Variants in CRIM1 observed in about 807,000 individuals in gnomAD.
CRIM1 encodes cysteine rich transmembrane BMP regulator 1.
CRIM1 carries 32 observed loss-of-function variants against 116.4 expected under a neutral mutation model. The observed-to-expected ratio is 0.27, with a 90% confidence interval of 0.21 to 0.37. The LOEUF (loss-of-function observed/expected upper bound fraction) is 0.37. CRIM1 is among the 10% of genes least tolerant of loss of function. CRIM1 has a pLI of 1.00. For synonymous variants in CRIM1, 590 were observed against 509.2 expected (o/e 1.16, Z -2.13); for missense variants, 1,331 against 1,354.8 (o/e 0.98, Z 0.28).
intron 2 of CRIM1, among the ~76,000 whole-genome samples, chr2:36,399,324 G>A (rs1366916335): frequency 6.6e-6 from 1 of 152,220 alleles, no homozygotes; most frequent in African/African-American, 2.4e-5. Flanking sequence ...GATTAGCAGA[G>A]GGAGATAATG....
chr2:36,535,322 C>T (rs1225974711), intron 13 of CRIM1, among the ~76,000 whole-genome samples: 2 of 152,192 alleles, frequency 1.3e-5, no homozygotes, highest in Non-Finnish European at 2.9e-5. Flanking sequence ...CAATTTGACA[C>T]GTGCATTTTG....
At chr2:36,379,946 A>G (rs1670613713) in intron 1 of CRIM1, among the ~76,000 whole-genome samples, 2 of 151,156 alleles carry the variant, frequency 1.3e-5, no homozygotes, top group Non-Finnish European at 2.9e-5. Flanking sequence ...GAATGTAGAC[A>G]TTTAGTTGAA....
chr2:36,496,820 C>G (rs976261743), intron 7 of CRIM1, among the ~76,000 whole-genome samples: 5 of 152,158 alleles, frequency 3.3e-5, no homozygotes, highest in African/African-American at 1.2e-4. Context: ...GGTTCTGATC[C>G]TCAAATAACC....
At chr2:36,450,852 C>T (rs1558599594) in intron 4 of CRIM1, among the ~76,000 whole-genome samples, 1 of 152,188 alleles carries the variant, frequency 6.6e-6, no homozygotes, top group Non-Finnish European at 1.5e-5. Context: ...TGCTGTCTTG[C>T]ATTATGATAA....
At chr2:36,466,733 C>T (rs1176593656) in intron 5 of CRIM1, among the ~76,000 whole-genome samples, 1 of 152,186 alleles carries the variant, frequency 6.6e-6, no homozygotes, top group African/African-American at 2.4e-5. Flanking sequence ...TAATTCGTAT[C>T]ATCTTAGTTC....
chr2:36,499,482 AT>A, intron 8 of CRIM1, 135 bp downstream of exon 8: 2 of 842,272 alleles, frequency 2.4e-6, no homozygotes, highest in Non-Finnish European at 3.7e-6. Flanking sequence ...GAAAAAAGTT[AT>A]TTTTAACACA....
chr2:36,382,810 A>G (rs1179084409), intron 1 of CRIM1, among the ~76,000 whole-genome samples: 1 of 152,266 alleles, frequency 6.6e-6, no homozygotes, highest in Admixed American at 6.5e-5. Context: ...GAGAACAAGC[A>G]CATACACATA....
At chr2:36,478,815 A>G (rs902492897) in intron 6 of CRIM1, among the ~76,000 whole-genome samples, 4 of 150,308 alleles carry the variant, frequency 2.7e-5, no homozygotes, top group Non-Finnish European at 4.4e-5. Flanking sequence ...CAGTATTTAT[A>G]TACTTGTCAG....
At position 36,480,726 on chromosome 2, in the gene CRIM1, G is replaced by A. The variant is rs551751013; in HGVS notation, c.1372+1032G>A. Among the ~76,000 whole-genome samples, 5 of 152,156 alleles carry A rather than the reference G, an allele frequency of 3.3e-5. No individual in the cohort carries two copies. The South Asian group carries it at 1.0e-3, about 32-fold the overall frequency. On this transcript the variant is annotated intron_variant, in intron 7 of 16. Transcript: ENST00000280527. Reference sequence around the variant, plus strand: ...AATCATATAAAAGTTTAAGCTTGAGGCCTCTCTTTCTGTTGACATCACCGA... The same window carrying A: ...AATCATATAAAAGTTTAAGCTTGAGACCTCTCTTTCTGTTGACATCACCGA...
At chr2:36,450,321 C>A (rs537484103) in intron 4 of CRIM1, among the ~76,000 whole-genome samples, 1 of 152,132 alleles carries the variant, frequency 6.6e-6, no homozygotes, top group African/African-American at 2.4e-5. Flanking sequence ...TTGTTTCTCC[C>A]CTTCTGTTGC....
At chr2:36,386,754 G>A (rs1671196469) in intron 1 of CRIM1, among the ~76,000 whole-genome samples, 1 of 152,230 alleles carries the variant, frequency 6.6e-6, no homozygotes, top group Admixed American at 6.5e-5. Context: ...TGTAAGTGAA[G>A]TAATTTTAAT....
chr2:36,505,850 TAAGGA>T (rs1681354106), intron 8 of CRIM1, among the ~76,000 whole-genome samples: 10 of 152,200 alleles, frequency 6.6e-5, no homozygotes, highest in Admixed American at 6.5e-4. Context: ...GCAAACATTG[TAAGGA>T]GCACCTCCTT....
At chr2:36,379,552 C>G (rs1052574843) in intron 1 of CRIM1, among the ~76,000 whole-genome samples, 2 of 152,130 alleles carry the variant, frequency 1.3e-5, no homozygotes, top group African/African-American at 4.8e-5. Context: ...AATGTGCAGT[C>G]TTCCGAACAG....
chr2:36,537,265 C>A (rs1666613089), intron 13 of CRIM1, 87 bp from the exon 14 acceptor site: 5 of 1,255,340 alleles, frequency 4.0e-6, no homozygotes, highest in Non-Finnish European at 4.6e-6. Flanking sequence ...TGTGATTATA[C>A]AAAGCTATCC....
chr2:36,442,759 A>G (rs1421976395), intron 4 of CRIM1, 24 bp downstream of exon 4: 1 of 1,613,910 alleles, frequency 6.2e-7, no homozygotes, highest in Non-Finnish European at 8.5e-7. Flanking sequence ...TAGTTTGTCA[A>G]GTTTTCTCCT....
At chr2:36,362,564 G>C (rs1669297448) in intron 1 of CRIM1, among the ~76,000 whole-genome samples, 1 of 152,142 alleles carries the variant, frequency 6.6e-6, no homozygotes, top group Non-Finnish European at 1.5e-5. Context: ...AGTAAACTGG[G>C]AGGTGTCCCT....
At chr2:36,523,635 A>G (rs942458641) in intron 13 of CRIM1, among the ~76,000 whole-genome samples, 1 of 152,234 alleles carries the variant, frequency 6.6e-6, no homozygotes, top group Non-Finnish European at 1.5e-5. Context: ...ACCTATAATC[A>G]GAGTAGCAGA....
At chr2:36,539,467 G>A (rs1293842348) in intron 14 of CRIM1, among the ~76,000 whole-genome samples, 1 of 152,178 alleles carries the variant, frequency 6.6e-6, no homozygotes, top group Non-Finnish European at 1.5e-5. Context: ...ATTGTATTGA[G>A]TGAGATGAAA....
At chr2:36,461,794 T>C (rs1392309936) in intron 4 of CRIM1, among the ~76,000 whole-genome samples, 1 of 152,232 alleles carries the variant, frequency 6.6e-6, no homozygotes, top group African/African-American at 2.4e-5. Flanking sequence ...AGTTGTATTA[T>C]GTTGAAAATA....
Sources: gnomAD v4.1 joint callset for allele counts (sites outside exome capture counted in the v4.1 genomes callset) on GRCh38, gnomAD v4.1.1 for gene constraint, MANE v1.5 for transcripts, NCBI Gene and HGNC (gene_info 2026-07-23, HGNC 2026-07-21) for gene names.